The following TECTA variants were observed in gnomAD, a reference collection of about 807,000 sequenced individuals.
The protein encoded by TECTA is tectorin alpha.
A neutral mutation model predicts 216.8 loss-of-function variants in TECTA; 128 were observed. That is an observed-to-expected ratio of 0.59 (90% CI 0.51 to 0.68). The LOEUF (loss-of-function observed/expected upper bound fraction) is 0.68. TECTA is among the 30% of genes least tolerant of loss of function. TECTA has a pLI of 0.00. For synonymous variants in TECTA, 1,089 were observed against 1,117.1 expected (o/e 0.97, Z 0.50); for missense variants, 2,551 against 2,786.2 (o/e 0.92, Z 1.90).
chr11:121,119,510 C>A (rs540279270), intron 7 of TECTA, among the ~76,000 whole-genome samples: 88 of 152,298 alleles, frequency 5.8e-4, no homozygotes, highest in Non-Finnish European at 1.0e-3. Context: ...CTAGCAATTA[C>A]TCAATTTGTG....
chr11:121,113,813 G>T lies in TECTA; in HGVS notation c.790+95G>T. ...CCACGGGGGCGGACTCATTCCTGAT[G>T]CCTTACTCTTTTGACATCTCTCCGC... On this transcript the variant is annotated intron_variant, in intron 6 of 23. Coordinates refer to ENST00000392793, the MANE Select transcript of TECTA (RefSeq NM_005422.4). The surrounding 1 kb of genome is among the most constrained non-coding windows in gnomAD (Gnocchi z 4.2). 1.4e-6 allele frequency: 2 copies of T among 1,454,052 alleles called. No individual in the cohort carries two copies. Among genetic ancestry groups the T allele is most frequent in the East Asian group, 2.3e-5 (1 of 42,744 alleles). 90.1% of individuals were successfully genotyped at this position (1,454,052 alleles called of 1,614,324 possible).
rs1285788470 is a variant in TECTA, at chr11:121,113,653, C to T, written c.725C>T (p.Pro242Leu). 6.2e-7 allele frequency: 1 copy of T among 1,613,868 alleles called. No individual in the cohort carries two copies. Residue 242 changes from proline to leucine, a missense_variant, in exon 6 of 24, where the codon CCA (proline) becomes CTA (leucine). Around this residue, in one of 3 missense-constraint regions of TECTA, gnomAD observed 2,375 missense variants for 2,563.9 expected, o/e 0.93. Transcript: ENST00000392793. The surrounding 1 kb of genome is among the most constrained non-coding windows in gnomAD (Gnocchi z 4.2). The part of the protein sequence containing the change: ...NIQETTNVNV[P>L]GRWAFKVDGK... ...CAGGAGACCACAAACGTCAATGTTC[C>T]AGGCCGCTGGGCATTTAAAGTTGAT...
intron 14 of TECTA, 45 bp from the exon 15 acceptor site, chr11:121,160,090 C>T (rs1946982533): frequency 6.2e-7 from 1 of 1,613,568 alleles, no homozygotes; most frequent in Non-Finnish European, 8.5e-7. Context: ...AGTTTGCCAA[C>T]ACCTACTCTA....
chr11:121,118,916 C>A (rs1356512242), intron 7 of TECTA, among the ~76,000 whole-genome samples, 198 bp downstream of exon 7: 1 of 152,028 alleles, frequency 6.6e-6, no homozygotes, highest in Non-Finnish European at 1.5e-5. Flanking sequence ...CTATCCTAAG[C>A]TCTCTCCTCA....
chr11:121,140,393 AG>A (rs1255324428), intron 11 of TECTA, among the ~76,000 whole-genome samples: 1 of 152,092 alleles, frequency 6.6e-6, no homozygotes, highest in Non-Finnish European at 1.5e-5. Flanking sequence ...CTCTCCCTCC[AG>A]GCATGTGCTC....
chr11:121,127,543 G>A lies in TECTA; in HGVS notation c.1775-209G>A, dbSNP rs564362538. On this transcript the variant is annotated intron_variant, in intron 8 of 23. Coordinates refer to ENST00000392793, the MANE Select transcript of TECTA (RefSeq NM_005422.4). The surrounding 1 kb of genome is among the most constrained non-coding windows in gnomAD (Gnocchi z 5.0). ...TCAAGATGATCAAATTCCAATAGAAGTTCACAGTCCAATCATGCTGCTCAG... is the reference window on the plus strand; with the variant it reads ...TCAAGATGATCAAATTCCAATAGAAATTCACAGTCCAATCATGCTGCTCAG... Among the ~76,000 whole-genome samples, 1 of 152,264 alleles carries A rather than the reference G, an allele frequency of 6.6e-6. No homozygotes were observed. Among genetic ancestry groups the A allele is most frequent in the East Asian group, 1.9e-4 (1 of 5,188 alleles).
At chr11:121,189,937 A>G in intron 23 of TECTA, 57 bp downstream of exon 23, 1 of 1,430,716 alleles carries the variant, frequency 7.0e-7, no homozygotes. Flanking sequence ...GTTCTTTACC[A>G]CCAGAAGGAG....
Position 121,118,595 on chromosome 11 carries a change from C to T in TECTA, c.1080C>T (p.Phe360=). 1 of 1,614,200 alleles carries T rather than the reference C, an allele frequency of 6.2e-7. No individual in the cohort carries two copies. Among genetic ancestry groups the T allele is most frequent in the Non-Finnish European group, 8.5e-7 (1 of 1,180,038 alleles). ...RQCLQTSSLP[F]FSVEAKNEHR... ...GTTTGCAGACTTCCAGCCTCCCTTT[C>T]TTCAGTGTGGAGGCCAAGAATGAAC... Residue 360 remains phenylalanine, a synonymous_variant, in exon 7 of 24, where the codon TTC becomes TTT. Transcript: ENST00000392793.
At chr11:121,130,585 G>C (rs901919512) in intron 10 of TECTA, among the ~76,000 whole-genome samples, 4 of 152,120 alleles carry the variant, frequency 2.6e-5, no homozygotes, top group Non-Finnish European at 5.9e-5. Context: ...GGAAGTGATC[G>C]GCCAGGGCAC....
intron 12 of TECTA, among the ~76,000 whole-genome samples, chr11:121,148,160 C>T (rs982725513): frequency 6.6e-6 from 1 of 152,186 alleles, no homozygotes; most frequent in African/African-American, 2.4e-5. Flanking sequence ...TCATGGCACC[C>T]AGAGCCGAGT....
intron 13 of TECTA, among the ~76,000 whole-genome samples, chr11:121,156,622 G>A (rs1474988441): frequency 6.6e-6 from 1 of 151,488 alleles, no homozygotes; most frequent in Non-Finnish European, 1.5e-5. Flanking sequence ...GGGATTACAG[G>A]CATGAGTCAC....
chr11:121,145,334 GAAAT>G (rs1407858835), intron 11 of TECTA, among the ~76,000 whole-genome samples: 1 of 152,222 alleles, frequency 6.6e-6, no homozygotes, highest in East Asian at 1.9e-4. Flanking sequence ...AGAAGGCACT[GAAAT>G]AAATAGGTAT....
At chr11:121,110,529 G>A (rs1946432662) in intron 4 of TECTA, 1 of 152,252 alleles carries the variant, frequency 6.6e-6, no homozygotes, top group Non-Finnish European at 1.5e-5. Context: ...AAGAGGTTCT[G>A]TAGAACAGAA....
chr11:121,181,661 G>T (rs1591470421), intron 20 of TECTA, among the ~76,000 whole-genome samples: 1 of 151,898 alleles, frequency 6.6e-6, no homozygotes, highest in East Asian at 1.9e-4. Context: ...GTAGAGACAG[G>T]TTTCTCCATG....
intron 20 of TECTA, among the ~76,000 whole-genome samples, chr11:121,178,517 A>AGT (rs3222565): frequency 0.09 from 11,457 of 127,058 alleles, 671 homozygotes; most frequent in African/African-American, 0.16. Context: ...GCTTGTAGTT[A>AGT]GTGTGTGTGT....
At chr11:121,125,170 T>C (rs1397414140) in intron 7 of TECTA, 132 bp from the exon 8 acceptor site, 1 of 939,300 alleles carries the variant, frequency 1.1e-6, no homozygotes. Flanking sequence ...GGAAGCCCAC[T>C]GGAGCCTGGA....
rs1238282919 is a variant in TECTA, at chr11:121,127,108, T to C, written c.1775-644T>C. ...ATGTTATTAAAGCAAGAACCGAAGA[T>C]TTCTAAGGCAAGAAGGGCCTTTAGA... On this transcript the variant is annotated intron_variant, in intron 8 of 23. Coordinates refer to ENST00000392793, the MANE Select transcript of TECTA (RefSeq NM_005422.4). The surrounding 1 kb of genome is among the most constrained non-coding windows in gnomAD (Gnocchi z 5.0). 5.9e-5 allele frequency among the ~76,000 whole-genome samples: 9 copies of C among 152,194 alleles called. No individual in the cohort carries two copies.
rs3017595 is a variant in TECTA, at chr11:121,119,010, C to A, written c.1203+292C>A. Reference sequence around the variant, plus strand: ...ACTGATAGGCACACACACACACACACACACACACACACACACACACACACA... The same window carrying A: ...ACTGATAGGCACACACACACACACAAACACACACACACACACACACACACA... On this transcript the variant is annotated intron_variant, in intron 7 of 23. Coordinates refer to ENST00000392793, the MANE Select transcript of TECTA (RefSeq NM_005422.4). Among the ~76,000 whole-genome samples, 35,458 of 93,140 alleles carry A rather than the reference C, an allele frequency of 0.38. 4,503 individuals carry two copies. Among genetic ancestry groups the A allele is most frequent in the Middle Eastern group, 0.47 (102 of 218 alleles). 61.1% of individuals were successfully genotyped at this position (93,140 alleles called of 152,430 possible). A position where few individuals can be genotyped will look rare whatever the true frequency, so the allele number is the denominator to read the frequency against.
chr11:121,168,007 TACTC>T (rs1565536079), intron 18 of TECTA, 43 bp from the exon 19 acceptor site: 1 of 1,610,352 alleles, frequency 6.2e-7, no homozygotes, highest in African/African-American at 1.3e-5. Context: ...GCAAGCTACA[TACTC>T]ACTCCCAGAT....
Sources: gnomAD v4.1 joint callset for allele counts (sites outside exome capture counted in the v4.1 genomes callset) on GRCh38, gnomAD v4.1.1 for gene constraint, gnomAD v4.1.1 regional missense constraint, Gnocchi (gnomAD v3.1) non-coding constraint, MANE v1.5 for transcripts, NCBI Gene and HGNC (gene_info 2026-07-23, HGNC 2026-07-21) for gene names.